AKAP12: variants seen among roughly 807,000 people sequenced by gnomAD.
AKAP12 encodes A-kinase anchoring protein 12.
A neutral mutation model predicts 79.9 loss-of-function variants in AKAP12; 32 were observed. That is an observed-to-expected ratio of 0.40 (90% CI 0.30 to 0.54). AKAP12 has a LOEUF of 0.54. Ranked by LOEUF, AKAP12 falls within the 20% of genes least tolerant of loss-of-function variation. The pLI, the probability that AKAP12 is intolerant of heterozygous loss-of-function variation, is 0.48. For missense variants in AKAP12, 2,074 were observed against 2,177.0 expected, an observed-to-expected ratio of 0.95 and a Z score of 0.94; for synonymous variants, 808 against 857.0, an observed-to-expected ratio of 0.94 and a Z score of 1.00.
intron 2 of AKAP12, among the ~76,000 whole-genome samples, chr6:151,254,541 G>A (rs1417404108): frequency 3.9e-5 from 6 of 152,048 alleles, no homozygotes; most frequent in Non-Finnish European, 7.4e-5. Context: ...AGTAGAGACC[G>A]GGTTTCGCCA....
chr6:151,293,052 A>G (rs1776653372), intron 2 of AKAP12, among the ~76,000 whole-genome samples: 1 of 152,226 alleles, frequency 6.6e-6, no homozygotes, highest in East Asian at 1.9e-4. Context: ...ACTTGGGATA[A>G]CGCTGGTTTC....
rs555861072 is a variant in AKAP12, at chr6:151,298,201, C to CT, written c.163-7543dup. The stretch of plus-strand genomic sequence containing the variant: ...ACAGGCGGCCCTCGTCCATTTAGAT[C>CT]TTTATATAAACCACCTTTACCCGCT... On this transcript the variant is annotated intron_variant, in intron 2 of 4. Transcript: ENST00000402676. 2.5e-3 allele frequency among the ~76,000 whole-genome samples: 385 copies of CT among 152,188 alleles called. 1 individual carries two copies. Among genetic ancestry groups the CT allele is most frequent in the Non-Finnish European group, 3.8e-3 (260 of 67,994 alleles).
At chr6:151,290,416 C>A (rs1308829687) in intron 2 of AKAP12, among the ~76,000 whole-genome samples, 1 of 152,124 alleles carries the variant, frequency 6.6e-6, no homozygotes. Flanking sequence ...ACATCCCTCA[C>A]CCAACTACAG....
Position 151,240,636 on chromosome 6 carries a change from C to T in AKAP12, c.74C>T (p.Pro25Leu). The T allele has an allele frequency of 7.4e-7, 1 of 1,357,776 alleles. No homozygotes were observed. Among genetic ancestry groups the T allele is most frequent in the African/African-American group, 1.5e-5 (1 of 65,536 alleles). 84.1% of individuals were successfully genotyped at this position (1,357,776 alleles called of 1,614,324 possible). The change falls in exon 2 of 5, where the codon CCC (proline) becomes CTC (leucine). Residue 25 changes from proline to leucine, a missense_variant. By Grantham distance (98) the Pro-to-Leu change is moderately conservative. Coordinates refer to ENST00000402676, the MANE Select transcript of AKAP12 (RefSeq NM_005100.4). ...PPEGSSTPAE[P>L]EPSGGGPSAE... ...GAGGGGAGCTCCACGCCGGCTGAGC[C>T]CGAGCCCAGCGGCGGCGGCCCCTCG...
intron 2 of AKAP12, among the ~76,000 whole-genome samples, chr6:151,254,966 T>TG (rs992033995): frequency 6.6e-6 from 1 of 152,188 alleles, no homozygotes. Context: ...GCAGTCCCTG[T>TG]GATCTTCAGA....
intron 3 of AKAP12, among the ~76,000 whole-genome samples, chr6:151,336,998 T>G (rs1777830706): frequency 6.6e-6 from 1 of 152,194 alleles, no homozygotes. Context: ...GCCTGAATTT[T>G]TTTTCTCTCT....
chr6:151,309,260 G>T (rs1200350617), intron 3 of AKAP12, among the ~76,000 whole-genome samples: 1 of 152,134 alleles, frequency 6.6e-6, no homozygotes, highest in Non-Finnish European at 1.5e-5. Flanking sequence ...GCATAATTTG[G>T]CATGTGACAC....
At chr6:151,292,839 G>A (rs568747113) in intron 2 of AKAP12, among the ~76,000 whole-genome samples, 1 of 152,262 alleles carries the variant, frequency 6.6e-6, no homozygotes, top group African/African-American at 2.4e-5. Context: ...AGCTTTTTAT[G>A]AGACCTTCTT....
In AKAP12 at chr6:151,350,581, T is replaced by G; in HGVS notation, c.2190T>G (p.Ala730=). 6.2e-7 allele frequency: 1 copy of G among 1,614,104 alleles called. No homozygotes were observed. Among genetic ancestry groups the G allele is most frequent in the African/African-American group, 1.3e-5 (1 of 75,028 alleles). ...DKETGTDGIL[A]GSQEHDPGQG... The stretch of plus-strand genomic sequence containing the variant: ...AGACGGGGACAGACGGGATCCTTGC[T>G]GGTTCCCAAGAACATGATCCAGGGC... The change falls in exon 4 of 5, where the codon GCT becomes GCG. Residue 730 remains alanine, a synonymous_variant. Transcript: ENST00000402676. The surrounding 1 kb of genome is among the most constrained non-coding windows in gnomAD (Gnocchi z 4.8).
intron 2 of AKAP12, among the ~76,000 whole-genome samples, chr6:151,252,171 G>A (rs1797190605): frequency 6.6e-6 from 1 of 152,054 alleles, no homozygotes; most frequent in South Asian, 2.1e-4. Flanking sequence ...TTGGGCAAGG[G>A]AGGCACAGCT....
Position 151,356,987 on chromosome 6 carries a change from G to A in AKAP12, c.*1273G>A, listed in dbSNP as rs994240785. 2 of 152,128 alleles carry A rather than the reference G, an allele frequency of 1.3e-5. No homozygotes were observed. Among genetic ancestry groups the A allele is most frequent in the African/African-American group, 4.8e-5 (2 of 41,424 alleles). 9.4% of individuals were successfully genotyped at this position (152,128 alleles called of 1,614,324 possible). ...TCAGATTGACGTTCTTGCTACAATTGTACCATCTGGTAATTCCTGAAAATG... is the reference window on the plus strand; with the variant it reads ...TCAGATTGACGTTCTTGCTACAATTATACCATCTGGTAATTCCTGAAAATG... On this transcript the variant is annotated 3_prime_UTR_variant, in exon 5 of 5. Coordinates refer to ENST00000402676, the MANE Select transcript of AKAP12 (RefSeq NM_005100.4).
intron 2 of AKAP12, among the ~76,000 whole-genome samples, chr6:151,257,220 C>G (rs989782488): frequency 3.9e-5 from 6 of 152,098 alleles, no homozygotes; most frequent in Non-Finnish European, 7.3e-5. Context: ...TCTCCCTTGT[C>G]TAGTAGTTCC....
chr6:151,261,514 C>G (rs1323223774), intron 2 of AKAP12, among the ~76,000 whole-genome samples: 1 of 151,750 alleles, frequency 6.6e-6, no homozygotes, highest in Non-Finnish European at 1.5e-5. Flanking sequence ...TACAACCCGT[C>G]TCTAAAAAAT....
At chr6:151,264,653 AGT>A (rs1797512255) in intron 2 of AKAP12, among the ~76,000 whole-genome samples, 1 of 147,244 alleles carries the variant, frequency 6.8e-6, no homozygotes, top group Admixed American at 6.8e-5. Context: ...CCTGGGTGAG[AGT>A]GTGAGACTTC....
At chr6:151,314,776 T>A (rs568648162) in intron 3 of AKAP12, among the ~76,000 whole-genome samples, 1 of 152,162 alleles carries the variant, frequency 6.6e-6, no homozygotes, top group Non-Finnish European at 1.5e-5. Flanking sequence ...CCTTTTCTGC[T>A]GGGCACAGTG....
At chr6:151,293,060 TTCC>T (rs1205412471) in intron 2 of AKAP12, among the ~76,000 whole-genome samples, 1 of 152,266 alleles carries the variant, frequency 6.6e-6, no homozygotes, top group Non-Finnish European at 1.5e-5. Context: ...TAACGCTGGT[TTCC>T]TCCTCTGTTG....
chr6:151,323,932 A>C, intron 3 of AKAP12: 1 of 985,400 alleles, frequency 1.0e-6, no homozygotes, highest in Non-Finnish European at 1.2e-6. Flanking sequence ...CTCCTGGGAC[A>C]TCTCTGGGGA....
chr6:151,271,057 G>A (rs1776170485), intron 2 of AKAP12, among the ~76,000 whole-genome samples: 1 of 152,160 alleles, frequency 6.6e-6, no homozygotes, highest in African/African-American at 2.4e-5. Context: ...GTAGGGAGGG[G>A]TGATGGTGAG....
chr6:151,332,853 C>T (rs1777711601), intron 3 of AKAP12, among the ~76,000 whole-genome samples: 1 of 152,118 alleles, frequency 6.6e-6, no homozygotes, highest in South Asian at 2.1e-4. Flanking sequence ...TGTTTCTGGC[C>T]GAACCTCAGC....
Sources: allele counts gnomAD v4.1 joint callset (sites outside exome capture counted in the v4.1 genomes callset), GRCh38; gene constraint gnomAD v4.1.1; non-coding constraint Gnocchi (gnomAD v3.1); transcripts MANE v1.5; gene names NCBI Gene and HGNC (gene_info 2026-07-23, HGNC 2026-07-21).